The following ROBO2 variants were observed in gnomAD, a reference collection of about 807,000 sequenced individuals.
ROBO2 encodes roundabout homolog 2.
ROBO2 carries 53 observed loss-of-function variants against 160.8 expected under a neutral mutation model. That is an observed-to-expected ratio of 0.33 (90% CI 0.26 to 0.41). The LOEUF (loss-of-function observed/expected upper bound fraction) is 0.41, where lower values mean the gene tolerates loss of function less well. ROBO2 is among the 10% of genes least tolerant of loss of function. ROBO2 has a pLI of 1.00. For synonymous variants in ROBO2, 664 were observed against 611.7 expected (o/e 1.09, Z -1.26); for missense variants, 1,577 against 1,722.4 (o/e 0.92, Z 1.49).
At chr3:76,485,623 T>G (rs1388555505) in intron 2 of ROBO2, among the ~76,000 whole-genome samples, 1 of 152,212 alleles carries the variant, frequency 6.6e-6, no homozygotes, top group Admixed American at 6.5e-5. Flanking sequence ...GAAATAGGTG[T>G]CACCTGTTTT....
intron 6 of ROBO2, among the ~76,000 whole-genome samples, chr3:77,525,387 G>T (rs190748525): frequency 2.0e-5 from 3 of 147,572 alleles, no homozygotes; most frequent in Non-Finnish European, 4.5e-5. Context: ...ATTTGAAACA[G>T]ATCTACTCAG....
chr3:77,135,687 A>G (rs541241455), intron 2 of ROBO2, among the ~76,000 whole-genome samples: 30 of 152,188 alleles, frequency 2.0e-4, no homozygotes, highest in African/African-American at 7.2e-4. Context: ...GGGATTTACA[A>G]GCGTGAGCCA....
At chr3:77,340,627 C>T (rs552213714) in intron 2 of ROBO2, among the ~76,000 whole-genome samples, 11 of 152,070 alleles carry the variant, frequency 7.2e-5, no homozygotes, top group African/African-American at 2.6e-4. Context: ...ACAAGAAGAC[C>T]CAGTTTGAGT....
At chr3:77,646,016 A>G (rs947869984) in intron 25 of ROBO2, 38 bp from the exon 28 acceptor site, 2 of 1,497,382 alleles carry the variant, frequency 1.3e-6, no homozygotes, top group Non-Finnish European at 1.8e-6. Flanking sequence ...CAGAATGCTT[A>G]ATTTATATTT....
chr3:77,062,311 C>G (rs1034107577), intron 1 of ROBO2, among the ~76,000 whole-genome samples: 1 of 152,050 alleles, frequency 6.6e-6, no homozygotes, highest in Non-Finnish European at 1.5e-5. Flanking sequence ...GTGTTTAAAC[C>G]CAATTCAGTT....
At chr3:76,193,752 A>G (rs1301584565) in intron 2 of ROBO2, among the ~76,000 whole-genome samples, 1 of 152,242 alleles carries the variant, frequency 6.6e-6, no homozygotes, top group African/African-American at 2.4e-5. Context: ...TGTTGTGTGA[A>G]TACAAAGCTG....
chr3:77,086,950 A>T (rs927737927), intron 1 of ROBO2, among the ~76,000 whole-genome samples: 1 of 152,216 alleles, frequency 6.6e-6, no homozygotes, highest in African/African-American at 2.4e-5. Context: ...AGGAAAATTT[A>T]TCAAGAGTTT....
At chr3:76,986,417 A>C (rs1015102788) in intron 2 of ROBO2, among the ~76,000 whole-genome samples, 1 of 152,072 alleles carries the variant, frequency 6.6e-6, no homozygotes, top group African/African-American at 2.4e-5. Flanking sequence ...GTTTCACCAA[A>C]AATATATATA....
At chr3:77,323,300 C>A (rs1265846551) in intron 2 of ROBO2, among the ~76,000 whole-genome samples, 1 of 151,670 alleles carries the variant, frequency 6.6e-6, no homozygotes. Flanking sequence ...CATTAACCCT[C>A]CTTTGGCAAT....
intron 2 of ROBO2, among the ~76,000 whole-genome samples, chr3:77,127,905 T>C (rs1478010215): frequency 1.3e-5 from 2 of 152,220 alleles, no homozygotes; most frequent in Non-Finnish European, 2.9e-5. Flanking sequence ...ATCCTAGTTA[T>C]AGATCATTTA....
chr3:77,436,473 T>G (rs1364520157), intron 2 of ROBO2, among the ~76,000 whole-genome samples: 1 of 151,856 alleles, frequency 6.6e-6, no homozygotes, highest in Non-Finnish European at 1.5e-5. Context: ...ACACATTTTA[T>G]TTTCTTGGGC....
At chr3:76,470,823 A>G (rs1255613020) in intron 2 of ROBO2, among the ~76,000 whole-genome samples, 3 of 152,034 alleles carry the variant, frequency 2.0e-5, no homozygotes, top group Non-Finnish European at 2.9e-5. Flanking sequence ...ACATACATCA[A>G]TGGTATTTCC....
chr3:77,590,022 C>T (rs2094143599), intron 17 of ROBO2, among the ~76,000 whole-genome samples: 1 of 152,102 alleles, frequency 6.6e-6, no homozygotes, highest in Non-Finnish European at 1.5e-5. Flanking sequence ...TTGTAGGCTC[C>T]TAAACTGCTG....
rs958476700 is a variant in ROBO2, at chr3:76,235,460, G to T, written c.109+297858G>T. Among the ~76,000 whole-genome samples, 5 of 152,258 alleles carry T rather than the reference G, an allele frequency of 3.3e-5. No homozygotes were observed. The South Asian group carries it at 1.0e-3, about 32-fold the overall frequency. ...AGTGTGGTCCTGCTGACCTGTCTAC[G>T]ACTGCGGAGAATACATTTTGTTGTT... On this transcript the variant is annotated intron_variant, in intron 2 of 26. Coordinates refer to the ROBO2 transcript ENST00000487694.
At chr3:76,853,725 T>A (rs1398528636) in intron 2 of ROBO2, among the ~76,000 whole-genome samples, 3 of 152,156 alleles carry the variant, frequency 2.0e-5, no homozygotes, top group Non-Finnish European at 4.4e-5. Context: ...GTCTAGTGCA[T>A]CAACATTTTA....
At position 76,361,911 on chromosome 3, in the gene ROBO2, G is replaced by A. The variant is rs17013946; in HGVS notation, c.109+424309G>A. 5.7e-3 allele frequency among the ~76,000 whole-genome samples: 866 copies of A among 152,188 alleles called. 6 individuals are homozygous for A. The highest frequency in any genetic ancestry group is 0.02 in the African/African-American group (820 of 41,536). ...AGCCTGCTACTTTTAAAAACCTGAA[G>A]TGTTAGATTTATTACTCCTTGTGCA... On this transcript the variant is annotated intron_variant, in intron 2 of 26. Coordinates refer to the ROBO2 transcript ENST00000487694.
At chr3:76,176,735 C>G (rs1480761034) in intron 2 of ROBO2, among the ~76,000 whole-genome samples, 1 of 151,354 alleles carries the variant, frequency 6.6e-6, no homozygotes, top group Non-Finnish European at 1.5e-5. Context: ...TATTTGTTTC[C>G]AAATAAGGGT....
At chr3:76,206,860 G>T (rs1702840015) in intron 2 of ROBO2, among the ~76,000 whole-genome samples, 1 of 152,294 alleles carries the variant, frequency 6.6e-6, no homozygotes, top group African/African-American at 2.4e-5. Flanking sequence ...CATCATTAAT[G>T]ACAGTCAACC....
At chr3:77,619,564 C>T (rs1419802681) in intron 22 of ROBO2, among the ~76,000 whole-genome samples, 2 of 152,156 alleles carry the variant, frequency 1.3e-5, no homozygotes, top group African/African-American at 4.8e-5. Flanking sequence ...TGGAGAATTG[C>T]CAGCCAGGGA....
Sources: allele counts gnomAD v4.1 joint callset (sites outside exome capture counted in the v4.1 genomes callset), GRCh38; gene constraint gnomAD v4.1.1; transcripts MANE v1.5; gene names NCBI Gene and HGNC (gene_info 2026-07-23, HGNC 2026-07-21).